COL21A1: variants seen among roughly 807,000 people sequenced by gnomAD.
COL21A1 encodes the protein collagen type XXI alpha 1 chain.
Under a neutral mutation model 137.9 loss-of-function variants are expected in COL21A1, and 149 were observed. The observed-to-expected ratio is 1.08, with a 90% CI of 0.95 to 1.24. The LOEUF (loss-of-function observed/expected upper bound fraction) is 1.24, where lower values mean the gene tolerates loss of function less well. COL21A1 is among the 50% of genes most tolerant of loss of function. The pLI, the probability that COL21A1 is intolerant of heterozygous loss-of-function variation, is 0.00. For missense variants in COL21A1, 1,167 were observed against 1,158.4 expected, an observed-to-expected ratio of 1.01 and a Z score of -0.11; for synonymous variants, 456 against 391.5, an observed-to-expected ratio of 1.16 and a Z score of -1.95.
intron 12 of COL21A1, among the ~76,000 whole-genome samples, chr6:56,138,933 G>A (rs1182358485): frequency 6.6e-6 from 1 of 152,094 alleles, no homozygotes; most frequent in African/African-American, 2.4e-5. Context: ...TGACACAGAA[G>A]AGAAGGGCTA....
intron 10 of COL21A1, among the ~76,000 whole-genome samples, chr6:56,151,769 A>G (rs893015641): frequency 2.0e-5 from 3 of 152,158 alleles, no homozygotes; most frequent in African/African-American, 7.2e-5. Context: ...GATGGCTCCA[A>G]TAGCCAGCCA....
chr6:56,383,338 C>T (rs1019437736), intron 1 of COL21A1, among the ~76,000 whole-genome samples: 2 of 152,188 alleles, frequency 1.3e-5, no homozygotes. Context: ...CCCAAAGCCC[C>T]ACTGCTAAGC....
chr6:56,273,006 A>T (rs1200550209), intron 1 of COL21A1, among the ~76,000 whole-genome samples: 3 of 152,198 alleles, frequency 2.0e-5, no homozygotes, highest in African/African-American at 7.2e-5. Flanking sequence ...AACAGATTTT[A>T]AAAAATCAAA....
chr6:56,125,679 GAA>G, intron 13 of COL21A1, 59 bp from the exon 14 acceptor site: 2 of 1,096,104 alleles, frequency 1.8e-6, no homozygotes, highest in Non-Finnish European at 2.5e-6. Flanking sequence ...TTCTTATAAA[GAA>G]AAAATACAGA....
At chr6:56,058,258 T>C (rs944147859) in intron 29 of COL21A1, among the ~76,000 whole-genome samples, 1 of 152,176 alleles carries the variant, frequency 6.6e-6, no homozygotes, top group Non-Finnish European at 1.5e-5. Context: ...AACAAAAAAC[T>C]GTTTCTATTA....
intron 17 of COL21A1, among the ~76,000 whole-genome samples, chr6:56,094,346 A>G (rs1769132437): frequency 6.6e-6 from 1 of 152,134 alleles, no homozygotes; most frequent in African/African-American, 2.4e-5. Context: ...CTTTATCAAC[A>G]GTGTCTTTAA....
At chr6:56,254,913 C>T (rs1413124157) in intron 1 of COL21A1, among the ~76,000 whole-genome samples, 1 of 152,138 alleles carries the variant, frequency 6.6e-6, no homozygotes, top group Non-Finnish European at 1.5e-5. Context: ...CACAAATTCT[C>T]ATTAATTATC....
chr6:56,073,889 T>C lies in COL21A1; in HGVS notation c.1965+343A>G, dbSNP rs556024567. ...ACTAGAAAACTGATATTGTAAGAGA[T>C]ATTCTTATTCATAACTATGAATGCT... is the stretch of plus-strand genomic sequence containing the variant. On this transcript the variant is annotated intron_variant, in intron 20 of 29. Transcript: ENST00000244728. Among the ~76,000 whole-genome samples the C allele has an allele frequency of 1.1e-4, 16 of 151,560 alleles. 1 individual carries two copies. Among genetic ancestry groups the C allele is most frequent in the African/African-American group, 3.9e-4 (16 of 41,486 alleles).
At chr6:56,135,376 C>T (rs371736514) in intron 12 of COL21A1, among the ~76,000 whole-genome samples, 21 of 152,026 alleles carry the variant, frequency 1.4e-4, no homozygotes, top group African/African-American at 5.1e-4. Context: ...GATACCTTAC[C>T]CAACTCACTA....
At chr6:56,377,729 C>T (rs1180825423) in intron 1 of COL21A1, among the ~76,000 whole-genome samples, 1 of 152,140 alleles carries the variant, frequency 6.6e-6, no homozygotes, top group Non-Finnish European at 1.5e-5. Flanking sequence ...CCTACTAAGA[C>T]ACCAGCTGCG....
intron 1 of COL21A1, among the ~76,000 whole-genome samples, chr6:56,264,692 A>AT (rs1170214003): frequency 6.6e-6 from 1 of 152,214 alleles, no homozygotes; most frequent in Non-Finnish European, 1.5e-5. Flanking sequence ...TATTATGCAT[A>AT]TACCTCAATC....
intron 16 of COL21A1, among the ~76,000 whole-genome samples, chr6:56,120,808 A>G (rs1055249546): frequency 2.0e-5 from 3 of 152,010 alleles, no homozygotes; most frequent in Admixed American, 6.6e-5. Flanking sequence ...TTAAAAAAAA[A>G]AAAAAAAAAC....
At chr6:56,356,290 C>T (rs1187917764) in intron 1 of COL21A1, among the ~76,000 whole-genome samples, 2 of 152,116 alleles carry the variant, frequency 1.3e-5, no homozygotes, top group Non-Finnish European at 2.9e-5. Context: ...ATGTCTCAAT[C>T]TCAGCACTAT....
chr6:56,112,348 C>T (rs1387632206), intron 16 of COL21A1, among the ~76,000 whole-genome samples: 1 of 152,196 alleles, frequency 6.6e-6, no homozygotes, highest in Admixed American at 6.5e-5. Context: ...GTCACCCCCT[C>T]CCAGCAAGAA....
intron 1 of COL21A1, among the ~76,000 whole-genome samples, chr6:56,284,819 TA>T (rs1763866821): frequency 6.6e-6 from 1 of 152,174 alleles, no homozygotes; most frequent in Admixed American, 6.5e-5. Flanking sequence ...CCACTCCAAA[TA>T]ACTTACCTTT....
At chr6:56,270,002 A>G (rs1343223690) in intron 1 of COL21A1, among the ~76,000 whole-genome samples, 1 of 152,226 alleles carries the variant, frequency 6.6e-6, no homozygotes, top group Non-Finnish European at 1.5e-5. Context: ...GCCCAGAAAC[A>G]CTATAAAGCA....
At chr6:56,110,308 A>G (rs1771311433) in intron 16 of COL21A1, among the ~76,000 whole-genome samples, 1 of 151,312 alleles carries the variant, frequency 6.6e-6, no homozygotes, top group East Asian at 1.9e-4. Flanking sequence ...ATTTTAAAAG[A>G]AAACTCTCAA....
chr6:56,108,848 T>C (rs554708654), intron 16 of COL21A1, among the ~76,000 whole-genome samples: 9 of 151,706 alleles, frequency 5.9e-5, no homozygotes, highest in Non-Finnish European at 7.4e-5. Flanking sequence ...AAAGAAAAAA[T>C]TCACTAAAAC....
At chr6:56,204,973 A>T (rs184904171) in intron 1 of COL21A1, among the ~76,000 whole-genome samples, 1 of 152,346 alleles carries the variant, frequency 6.6e-6, no homozygotes, top group Non-Finnish European at 1.5e-5. Flanking sequence ...CAGAGATCCC[A>T]TCCAAAGGTC....
Sources: gnomAD v4.1 joint callset for allele counts (sites outside exome capture counted in the v4.1 genomes callset) on GRCh38, gnomAD v4.1.1 for gene constraint, MANE v1.5 for transcripts, NCBI Gene and HGNC (gene_info 2026-07-23, HGNC 2026-07-21) for gene names.